The following DIAPH3 variants were observed in gnomAD, a reference collection of about 807,000 sequenced individuals.
DIAPH3 encodes protein diaphanous homolog 3.
Under a neutral mutation model 144.3 loss-of-function variants are expected in DIAPH3, and 117 were observed. That is an observed-to-expected ratio of 0.81 (90% CI 0.70 to 0.95). The LOEUF is 0.95. DIAPH3 is among the 40% of genes least tolerant of loss of function. The pLI, the probability that DIAPH3 is intolerant of heterozygous loss-of-function variation, is 0.00. For missense variants in DIAPH3, 1,421 were observed against 1,412.7 expected, an observed-to-expected ratio of 1.01 and a Z score of -0.09; for synonymous variants, 519 against 488.9, an observed-to-expected ratio of 1.06 and a Z score of -0.81.
chr13:59,757,392 CTTTTTTTTT>C (rs558678599), intron 27 of DIAPH3, among the ~76,000 whole-genome samples: 2 of 93,046 alleles, frequency 2.1e-5, no homozygotes, highest in African/African-American at 5.3e-5. Flanking sequence ...ATGGGTCATC[CTTTTTTTTT>C]TTTTTTTTTT....
intron 5 of DIAPH3, among the ~76,000 whole-genome samples, chr13:60,021,415 A>T (rs1202972548): frequency 6.6e-6 from 1 of 152,198 alleles, no homozygotes; most frequent in Non-Finnish European, 1.5e-5. Context: ...ACTTGAGGCC[A>T]GGAGTTTGAG....
At chr13:60,062,779 A>G (rs778418537) in intron 4 of DIAPH3, among the ~76,000 whole-genome samples, 2 of 152,202 alleles carry the variant, frequency 1.3e-5, no homozygotes, top group Admixed American at 6.5e-5. Flanking sequence ...ATTGCAGTCT[A>G]TCAAGTGAGC....
intron 12 of DIAPH3, among the ~76,000 whole-genome samples, chr13:59,988,303 T>C (rs997913906): frequency 6.6e-6 from 1 of 151,922 alleles, no homozygotes; most frequent in Non-Finnish European, 1.5e-5. Context: ...ACGTGGTACA[T>C]ACATTTAAAC....
chr13:59,865,341 C>T (rs887561055), intron 21 of DIAPH3, among the ~76,000 whole-genome samples: 7 of 151,952 alleles, frequency 4.6e-5, no homozygotes, highest in Admixed American at 3.3e-4. Context: ...ACAAGTAAAG[C>T]TTGGAATACA....
At chr13:59,848,095 C>A (rs574425028) in intron 22 of DIAPH3, among the ~76,000 whole-genome samples, 50 of 152,258 alleles carry the variant, frequency 3.3e-4, no homozygotes, top group Non-Finnish European at 7.4e-5. Context: ...ACCACCCTCA[C>A]TACTCTTCCC....
chr13:60,025,015 G>A (rs1356513338), intron 5 of DIAPH3, among the ~76,000 whole-genome samples: 3 of 152,100 alleles, frequency 2.0e-5, no homozygotes, highest in African/African-American at 4.8e-5. Flanking sequence ...CAGTGGGGAG[G>A]GGGAAGAATG....
chr13:59,710,184 A>G (rs1256501294), intron 27 of DIAPH3, among the ~76,000 whole-genome samples: 1 of 151,618 alleles, frequency 6.6e-6, no homozygotes, highest in African/African-American at 2.4e-5. Flanking sequence ...AGCATGGCAC[A>G]TGTATACATA....
At chr13:60,027,879 GT>G (rs1447938332) in intron 5 of DIAPH3, among the ~76,000 whole-genome samples, 1 of 152,036 alleles carries the variant, frequency 6.6e-6, no homozygotes, top group African/African-American at 2.4e-5. Context: ...TGGAAAAGAC[GT>G]TATGGTCACA....
At chr13:59,856,375 GT>G (rs2043254016) in intron 22 of DIAPH3, among the ~76,000 whole-genome samples, 1 of 152,138 alleles carries the variant, frequency 6.6e-6, no homozygotes, top group Non-Finnish European at 1.5e-5. Flanking sequence ...CCCAGGCTGA[GT>G]GGCTTAAACA....
intron 18 of DIAPH3, 30 bp from the exon 19 acceptor site, chr13:59,916,279 A>T: frequency 6.5e-7 from 1 of 1,546,294 alleles, no homozygotes; most frequent in Non-Finnish European, 8.9e-7. Context: ...AAAGGTTTAT[A>T]ATGAATAAGG....
intron 17 of DIAPH3, among the ~76,000 whole-genome samples, chr13:59,936,413 A>G (rs2048262675): frequency 6.6e-6 from 1 of 152,170 alleles, no homozygotes; most frequent in Admixed American, 6.5e-5. Context: ...ACCCCCTCAT[A>G]ACCAAAGATT....
chr13:59,875,514 AAG>A (rs2044563899), intron 21 of DIAPH3, among the ~76,000 whole-genome samples: 1 of 151,092 alleles, frequency 6.6e-6, no homozygotes, highest in African/African-American at 2.4e-5. Context: ...GAGGAGGAGA[AAG>A]AGAGATTGTT....
intron 23 of DIAPH3, 118 bp downstream of exon 23, chr13:59,839,206 C>T: frequency 7.7e-7 from 1 of 1,291,524 alleles, no homozygotes; most frequent in Non-Finnish European, 1.1e-6. Flanking sequence ...AAAGGTTAAA[C>T]TTTCTGTAAT....
chr13:60,062,720 C>T (rs964401661), intron 4 of DIAPH3, among the ~76,000 whole-genome samples: 9 of 152,126 alleles, frequency 5.9e-5, no homozygotes, highest in African/African-American at 1.2e-4. Context: ...AAGTGAGTCA[C>T]GTGAACTTTT....
At chr13:59,730,157 G>A (rs1358046931) in intron 27 of DIAPH3, among the ~76,000 whole-genome samples, 1 of 152,088 alleles carries the variant, frequency 6.6e-6, no homozygotes. Flanking sequence ...ATTTTTCTAT[G>A]AGAAATAGCA....
At chr13:60,159,800 T>C (rs911326004) in intron 1 of DIAPH3, among the ~76,000 whole-genome samples, 3 of 152,132 alleles carry the variant, frequency 2.0e-5, no homozygotes, top group Admixed American at 1.3e-4. Flanking sequence ...CACAAGGTTG[T>C]TCTAAGAATT....
At chr13:59,757,635 C>T (rs548280987) in intron 27 of DIAPH3, among the ~76,000 whole-genome samples, 8 of 152,086 alleles carry the variant, frequency 5.3e-5, no homozygotes, top group African/African-American at 1.7e-4. Flanking sequence ...CTCCTGACCT[C>T]GTGATCCGCC....
intron 1 of DIAPH3, among the ~76,000 whole-genome samples, chr13:60,148,737 A>G (rs1441421753): frequency 6.6e-6 from 1 of 152,192 alleles, no homozygotes; most frequent in African/African-American, 2.4e-5. Flanking sequence ...TAAGACAAAA[A>G]TCAGCACTGG....
intron 5 of DIAPH3, among the ~76,000 whole-genome samples, chr13:60,032,598 G>A (rs945265173): frequency 3.3e-5 from 5 of 152,202 alleles, no homozygotes; most frequent in Non-Finnish European, 5.9e-5. Context: ...CAGGGAAGCA[G>A]GGAGCAGTGT....
Sources: gnomAD v4.1 joint callset for allele counts (sites outside exome capture counted in the v4.1 genomes callset) on GRCh38, gnomAD v4.1.1 for gene constraint, MANE v1.5 for transcripts, NCBI Gene and HGNC (gene_info 2026-07-23, HGNC 2026-07-21) for gene names.